ZNF292: variants seen among roughly 807,000 people sequenced by gnomAD.
ZNF292 encodes the protein 16 zinc-finger domain protein.
ZNF292 carries 26 observed loss-of-function variants against 217.9 expected under a neutral mutation model. The observed-to-expected ratio is 0.12, with a 90% confidence interval of 0.09 to 0.17. ZNF292 has a LOEUF of 0.17. Ranked by LOEUF, ZNF292 falls within the 10% of genes least tolerant of loss-of-function variation. The pLI, the probability that ZNF292 is intolerant of heterozygous loss-of-function variation, is 1.00. For synonymous variants in ZNF292, 1,257 were observed against 1,124.1 expected (o/e 1.12, Z -2.37); for missense variants, 2,904 against 3,175.2 (o/e 0.91, Z 2.05).
intron 1 of ZNF292, among the ~76,000 whole-genome samples, chr6:87,185,064 T>G (rs564502727): frequency 9.9e-5 from 15 of 152,266 alleles, no homozygotes; most frequent in Admixed American, 2.6e-4. Flanking sequence ...CTTTAACAGG[T>G]TTTTAGGTAT....
Position 87,258,853 on chromosome 6 carries a change from T to A in ZNF292, c.5224T>A (p.Ser1742Thr). Reference sequence around the variant, plus strand: ...GAATTCATGCACAACTTCAATAAATTCTGATTTGCAGATTTCTGAAGACAA... The same window carrying A: ...GAATTCATGCACAACTTCAATAAATACTGATTTGCAGATTTCTGAAGACAA... ...ALNSCTTSIN[S>T]DLQISEDNVI... Residue 1742 changes from serine to threonine, a missense_variant, in exon 8 of 8, where the codon TCT becomes ACT. Ser to Thr is a moderately conservative substitution (Grantham distance 58). Coordinates refer to ENST00000369577, the MANE Select transcript of ZNF292 (RefSeq NM_015021.3). The A allele has an allele frequency of 6.2e-7, 1 of 1,610,440 alleles. No individual in the cohort carries two copies. The highest frequency in any genetic ancestry group is 8.5e-7 in the Non-Finnish European group (1 of 1,178,012).
chr6:87,169,797 C>T, intron 1 of ZNF292: 1 of 334,202 alleles, frequency 3.0e-6, no homozygotes, highest in South Asian at 2.1e-5. Context: ...CAGATGTGCG[C>T]TACCATGCCC....
At chr6:87,171,408 T>G (rs549727192) in intron 1 of ZNF292, among the ~76,000 whole-genome samples, 93 of 152,104 alleles carry the variant, frequency 6.1e-4, no homozygotes, top group Non-Finnish European at 1.1e-3. Flanking sequence ...TTTTTTTGTT[T>G]GTTTTTTTAA....
chr6:87,236,390 T>TTG (rs1773904583), intron 5 of ZNF292, among the ~76,000 whole-genome samples: 1 of 108,538 alleles, frequency 9.2e-6, no homozygotes, highest in African/African-American at 3.6e-5. Context: ...CCATAGGTTG[T>TTG]TTTTTTTTTT....
chr6:87,219,232 C>T (rs953485398), intron 4 of ZNF292, among the ~76,000 whole-genome samples: 3 of 152,052 alleles, frequency 2.0e-5, no homozygotes, highest in Admixed American at 6.6e-5. Flanking sequence ...GGCTAAATTA[C>T]TTATATGTAT....
intron 1 of ZNF292, among the ~76,000 whole-genome samples, chr6:87,165,047 G>A (rs1770871435): frequency 6.6e-6 from 1 of 152,020 alleles, no homozygotes; most frequent in Non-Finnish European, 1.5e-5. Context: ...ACAGGCGTGA[G>A]CCACCTCACC....
rs551803752 is a variant in ZNF292, at chr6:87,254,599, A to G, written c.1021-51A>G. On this transcript the variant is annotated intron_variant, in intron 7 of 7. Coordinates refer to ENST00000369577, the MANE Select transcript of ZNF292 (RefSeq NM_015021.3). ...TCTTAACTAAATTCTGAAATAAATT[A>G]GTGTTGATTAGTGTAGATTAAATTA... The G allele has an allele frequency of 4.2e-6, 6 of 1,436,448 alleles. No homozygotes were observed. In the East Asian group the frequency reaches 1.1e-4, roughly 27 times the overall value. The allele number at this position is 1,436,448 out of a possible 1,614,324, so 89.0% of individuals were successfully genotyped here.
At chr6:87,218,873 C>T in intron 4 of ZNF292, 142 bp downstream of exon 4, 1 of 812,240 alleles carries the variant, frequency 1.2e-6, no homozygotes, top group South Asian at 2.3e-5. Flanking sequence ...GCTTGAGGCC[C>T]TGCGCCTTTA....
chr6:87,160,932 G>C (rs1320186908), intron 1 of ZNF292, among the ~76,000 whole-genome samples: 2 of 151,892 alleles, frequency 1.3e-5, no homozygotes, highest in Non-Finnish European at 2.9e-5. Flanking sequence ...ACCCTTTTCA[G>C]AAACATTGAA....
At position 87,187,715 on chromosome 6, in the gene ZNF292, A is replaced by C. The variant is rs1279567749; in HGVS notation, c.169-28188A>C. On this transcript the variant is annotated intron_variant, in intron 1 of 7. Coordinates refer to ENST00000369577, the MANE Select transcript of ZNF292 (RefSeq NM_015021.3). ...GGGCAACAGAGTGGGACTCTGCCTC[A>C]AAAAAAAAAAAAAAAAAAAGTTTGA... Among the ~76,000 whole-genome samples the C allele has an allele frequency of 4.9e-3, 116 of 23,620 alleles. No individual in the cohort carries two copies. In the Middle Eastern group the frequency reaches 0.057, roughly 12 times the overall value. 15.5% of individuals were successfully genotyped at this position (23,620 alleles called of 152,430 possible).
chr6:87,222,803 G>C (rs918128613), intron 4 of ZNF292: 1 of 452,472 alleles, frequency 2.2e-6, no homozygotes, highest in African/African-American at 2.0e-5. Flanking sequence ...ACATTTAGTC[G>C]TCATGTCTTC....
chr6:87,204,686 C>T (rs1345397742), intron 1 of ZNF292, among the ~76,000 whole-genome samples: 1 of 151,286 alleles, frequency 6.6e-6, no homozygotes, highest in Non-Finnish European at 1.5e-5. Context: ...GCCTCAGCCT[C>T]CCGAATAGCT....
chr6:87,186,096 AAGTCTCAACCTTGT>A (rs993245929), intron 1 of ZNF292, among the ~76,000 whole-genome samples: 1 of 152,112 alleles, frequency 6.6e-6, no homozygotes, highest in African/African-American at 2.4e-5. Context: ...GTGGGGATAA[AAGTCTCAACCTTGT>A]AGTCATGCTT....
intron 5 of ZNF292, among the ~76,000 whole-genome samples, chr6:87,242,842 T>G (rs559870709): frequency 6.6e-6 from 1 of 152,338 alleles, no homozygotes; most frequent in African/African-American, 2.4e-5. Flanking sequence ...GCAAGTTGCC[T>G]TCATCTAGGT....
In ZNF292 at chr6:87,255,579, CAAT is replaced by C. The variant is rs1479752332; in HGVS notation, c.1951_1953del (p.Asn651del). 1.9e-6 allele frequency: 3 copies of C among 1,610,758 alleles called. No homozygotes were observed. Among genetic ancestry groups the C allele is most frequent in the African/African-American group, 1.3e-5 (1 of 74,982 alleles). ...CAACAGATTTTATAGTGTTTAATGA[CAAT>C]GATGGTTCAGATGATGAGAATGATG... On this transcript the variant is annotated inframe_deletion, in exon 8 of 8. Coordinates refer to ENST00000369577, the MANE Select transcript of ZNF292 (RefSeq NM_015021.3).
intron 6 of ZNF292, among the ~76,000 whole-genome samples, chr6:87,245,196 C>G (rs550311233): frequency 6.6e-6 from 1 of 151,754 alleles, no homozygotes; most frequent in African/African-American, 2.4e-5. Context: ...GCCGAGATTG[C>G]GTCACTGCAC....
At chr6:87,216,758 C>A (rs1319926118) in intron 3 of ZNF292, among the ~76,000 whole-genome samples, 1 of 151,830 alleles carries the variant, frequency 6.6e-6, no homozygotes, top group Non-Finnish European at 1.5e-5. Context: ...GGTATATTTT[C>A]CCCATTTTAA....
rs1232830510 is a variant in ZNF292, at chr6:87,258,232, C to A, written c.4603C>A (p.Pro1535Thr). 6.2e-7 allele frequency: 1 copy of A among 1,612,472 alleles called. No homozygotes were observed. Among genetic ancestry groups the A allele is most frequent in the Admixed American group, 1.7e-5 (1 of 59,654 alleles). Reference protein sequence around the residue: ...ATVMPNPTVPPLLHTVCHPNT... With the variant: ...ATVMPNPTVPTLLHTVCHPNT... ...GGTGATGCCAAATCCAACTGTACCA[C>A]CCCTGTTGCACACTGTATGCCATCC... Residue 1535 changes from proline to threonine, a missense_variant, in exon 8 of 8, where the codon CCC (proline) becomes ACC (threonine). Pro to Thr is a conservative substitution (Grantham distance 38, BLOSUM62 -1). Coordinates refer to ENST00000369577, the MANE Select transcript of ZNF292 (RefSeq NM_015021.3).
In ZNF292 at chr6:87,255,815, G is replaced by A. The variant is rs1200453487; in HGVS notation, c.2186G>A (p.Arg729Gln). 1.2e-6 allele frequency: 2 copies of A among 1,613,730 alleles called. No individual in the cohort carries two copies. Among genetic ancestry groups the A allele is most frequent in the South Asian group, 1.1e-5 (1 of 91,072 alleles). Residue 729 changes from arginine (R) to glutamine (Q), a missense_variant, in exon 8 of 8, where the codon CGG (arginine) becomes CAG (glutamine). By Grantham distance (43) the Arg-to-Gln change is conservative. Coordinates refer to ENST00000369577, the MANE Select transcript of ZNF292 (RefSeq NM_015021.3). ...AAAGTTATTTGCCAGTACTGTAGGC[G>A]GCATTTTGTGAGTGTTACTCATCTC... Reference protein sequence around the residue: ...SKKVICQYCRRHFVSVTHLND... With the variant: ...SKKVICQYCRQHFVSVTHLND...
Sources: gnomAD v4.1 joint callset for allele counts (sites outside exome capture counted in the v4.1 genomes callset) on GRCh38, gnomAD v4.1.1 for gene constraint, MANE v1.5 for transcripts, NCBI Gene and HGNC (gene_info 2026-07-23, HGNC 2026-07-21) for gene names.